SP6: variants seen among roughly 807,000 people sequenced by gnomAD.
SP6 encodes transcription factor Sp6.
A neutral mutation model predicts 23.4 loss-of-function variants in SP6; 10 were observed. The observed-to-expected ratio is 0.43, with a 90% CI of 0.26 to 0.72. The LOEUF is 0.72. SP6 is among the 30% of genes least tolerant of loss of function. SP6 has a pLI of 0.23. For synonymous variants in SP6, 238 were observed against 238.7 expected (o/e 1.00, Z 0.03); for missense variants, 482 against 523.8 (o/e 0.92, Z 0.78).
At chr17:47,861,385 C>T in the SP6 span, among the ~76,000 whole-genome samples, 5 of 152,284 alleles carry the variant, frequency 3.3e-5, no homozygotes, top group Non-Finnish European at 5.9e-5. Context: ...TGATCCCAGG[C>T]GGACTTCAAT....
In SP6 at chr17:47,847,233, C is replaced by T. The variant is rs1403905340; in HGVS notation, c.*66G>A. The T allele has an allele frequency of 3.5e-6, 5 of 1,419,620 alleles. No individual in the cohort carries two copies. In the African/African-American group the frequency reaches 4.3e-5, roughly 12 times the overall value. The allele number at this position is 1,419,620 out of a possible 1,614,324, so 87.9% of individuals were successfully genotyped here. ...CTCTTCCTCAAGCCACCCCCAAGGA[C>T]GTCAGACCTGGGGGCTCGCATCCAG... On this transcript the variant is annotated 3_prime_UTR_variant, in exon 2 of 2. Transcript: ENST00000536300.
chr17:47,876,268 G>A, the SP6 span, among the ~76,000 whole-genome samples: 1 of 152,232 alleles, frequency 6.6e-6, no homozygotes, highest in Non-Finnish European at 1.5e-5. Flanking sequence ...CACTTACTAT[G>A]TCCTGGGCCC....
At chr17:47,861,606 G>A in the SP6 span, among the ~76,000 whole-genome samples, 1 of 152,136 alleles carries the variant, frequency 6.6e-6, no homozygotes, top group African/African-American at 2.4e-5. Context: ...GGCGGTGCGC[G>A]CCTGTAGTCC....
At chr17:47,871,139 C>G in the SP6 span, among the ~76,000 whole-genome samples, 3 of 152,196 alleles carry the variant, frequency 2.0e-5, no homozygotes, top group Non-Finnish European at 4.4e-5. Context: ...TAAATGTTTA[C>G]TGGATGAATG....
At chr17:47,851,568 C>T (rs73319764), upstream of SP6, among the ~76,000 whole-genome samples, 850 of 152,252 alleles carry the variant, frequency 5.6e-3, 6 homozygotes, top group African/African-American at 0.02. Context: ...GGCCCTTGAC[C>T]CTCTCTGAAC....
the SP6 span, among the ~76,000 whole-genome samples, chr17:47,869,495 G>A: frequency 1.3e-5 from 2 of 152,184 alleles, no homozygotes; most frequent in Non-Finnish European, 2.9e-5. Flanking sequence ...GAGAGCCTGA[G>A]TTTGACACCC....
the SP6 span, among the ~76,000 whole-genome samples, chr17:47,868,845 C>T: frequency 6.6e-6 from 1 of 152,156 alleles, no homozygotes; most frequent in Non-Finnish European, 1.5e-5. Context: ...GGGGCTGGCT[C>T]CAGTGCCCTC....
the SP6 span, among the ~76,000 whole-genome samples, chr17:47,866,574 T>C: frequency 6.6e-6 from 1 of 152,098 alleles, no homozygotes; most frequent in East Asian, 1.9e-4. Flanking sequence ...AATGTAGAAA[T>C]GTTTGGGGAT....
At chr17:47,866,221 C>T in the SP6 span, among the ~76,000 whole-genome samples, 17 of 152,146 alleles carry the variant, frequency 1.1e-4, no homozygotes, top group East Asian at 1.4e-3. Flanking sequence ...AGAAGAGAAA[C>T]GGGAAGACTC....
At chr17:47,867,478 C>T in the SP6 span, among the ~76,000 whole-genome samples, 1 of 152,180 alleles carries the variant, frequency 6.6e-6, no homozygotes, top group Non-Finnish European at 1.5e-5. Flanking sequence ...GACACCAAAA[C>T]TTATTTGCTT....
At position 47,848,511 on chromosome 17, in the gene SP6, A is replaced by C. The variant is rs1205175172; in HGVS notation, c.-57-25T>G. Reference sequence around the variant, plus strand: ...CCTAAAGGAGGCGAAGAAGCAGAAAAGTAAGGGAAATAACCAGCTCACTTT... The same window carrying C: ...CCTAAAGGAGGCGAAGAAGCAGAAACGTAAGGGAAATAACCAGCTCACTTT... On this transcript the variant is annotated intron_variant, in intron 1 of 1. Transcript: ENST00000536300. The surrounding 1 kb of genome is among the most constrained non-coding windows in gnomAD (Gnocchi z 5.3). 7.5e-7 allele frequency: 1 copy of C among 1,327,590 alleles called. No individual in the cohort carries two copies. The highest frequency in any genetic ancestry group is 1.5e-5 in the African/African-American group (1 of 67,170). The allele number at this position is 1,327,590 out of a possible 1,614,324, so 82.2% of individuals were successfully genotyped here. A position where few individuals can be genotyped will look rare whatever the true frequency, so the allele number is the denominator to read the frequency against.
upstream of SP6, among the ~76,000 whole-genome samples, chr17:47,852,271 C>T (rs1463243528): frequency 1.3e-5 from 2 of 152,140 alleles, no homozygotes; most frequent in East Asian, 3.9e-4. Context: ...ACAAAAACTT[C>T]CCTCAAGATC....
the SP6 span, among the ~76,000 whole-genome samples, chr17:47,874,864 T>C: frequency 7.2e-4 from 109 of 152,184 alleles, 1 homozygote; most frequent in African/African-American, 2.5e-3. Context: ...GGTGGGACTG[T>C]GTGTCTACCA....
chr17:47,866,228 A>T, the SP6 span, among the ~76,000 whole-genome samples: 1 of 151,940 alleles, frequency 6.6e-6, no homozygotes, highest in Non-Finnish European at 1.5e-5. Flanking sequence ...AAACGGGAAG[A>T]CTCTGGCTGG....
chr17:47,845,746 C>G lies in SP6; in HGVS notation c.*1553G>C, dbSNP rs1000767793. 2.6e-5 allele frequency: 4 copies of G among 152,526 alleles called. No individual in the cohort carries two copies. Among genetic ancestry groups the G allele is most frequent in the Non-Finnish European group, 5.9e-5 (4 of 68,034 alleles). 9.4% of individuals were successfully genotyped at this position (152,526 alleles called of 1,614,324 possible). A position where few individuals can be genotyped will look rare whatever the true frequency, so the allele number is the denominator to read the frequency against. On this transcript the variant is annotated 3_prime_UTR_variant, in exon 2 of 2. Coordinates refer to ENST00000536300, the MANE Select transcript of SP6 (RefSeq NM_001258248.2). ...ATAACCTAATATTAAATAAAATACC[C>G]TTTGCTTATAACTTAAAAATCAATA...
chr17:47,866,278 G>A, the SP6 span, among the ~76,000 whole-genome samples: 1 of 152,144 alleles, frequency 6.6e-6, no homozygotes, highest in African/African-American at 2.4e-5. Context: ...GGAGGGCAGG[G>A]AAGAAAGGTG....
At chr17:47,851,830 G>A (rs1473560301), upstream of SP6, among the ~76,000 whole-genome samples, 4 of 150,878 alleles carry the variant, frequency 2.7e-5, no homozygotes, top group Admixed American at 6.6e-5. Context: ...GACCTTTCTG[G>A]GTGACCACCT....
the SP6 span, among the ~76,000 whole-genome samples, chr17:47,861,339 C>T: frequency 6.6e-6 from 1 of 152,222 alleles, no homozygotes; most frequent in African/African-American, 2.4e-5. Flanking sequence ...TGATGCCCAG[C>T]ATAGTGGACA....
the SP6 span, among the ~76,000 whole-genome samples, chr17:47,869,884 A>G: frequency 3.3e-5 from 5 of 152,220 alleles, no homozygotes; most frequent in African/African-American, 1.2e-4. Flanking sequence ...TTCTATATGC[A>G]TTTCATAGTT....
Sources: gnomAD v4.1 joint callset for allele counts (sites outside exome capture counted in the v4.1 genomes callset) on GRCh38, gnomAD v4.1.1 for gene constraint, Gnocchi (gnomAD v3.1) non-coding constraint, MANE v1.5 for transcripts, NCBI Gene and HGNC (gene_info 2026-07-23, HGNC 2026-07-21) for gene names.